CAPN2: variants seen among roughly 807,000 people sequenced by gnomAD.
CAPN2 encodes calpain-2 catalytic subunit.
A neutral mutation model predicts 102.3 loss-of-function variants in CAPN2; 92 were observed. That is an observed-to-expected ratio of 0.90 (90% confidence interval 0.76 to 1.07). The LOEUF (loss-of-function observed/expected upper bound fraction) is 1.07. Among genes scored for constraint, CAPN2 ranks in the 50% least tolerant of loss-of-function variants. The pLI is 0.00. For synonymous variants in CAPN2, 340 were observed against 355.4 expected (o/e 0.96, Z 0.49); for missense variants, 800 against 909.4 (o/e 0.88, Z 1.55).
rs1446316011 is a variant in CAPN2, at chr1:223,727,064, G to C, written c.307+9233G>C. Among the ~76,000 whole-genome samples, 1 of 152,168 alleles carries C rather than the reference G, an allele frequency of 6.6e-6. No individual in the cohort carries two copies. The highest frequency in any genetic ancestry group is 1.5e-5 in the Non-Finnish European group (1 of 68,032). On this transcript the variant is annotated intron_variant, in intron 2 of 20. Coordinates refer to ENST00000295006, the MANE Select transcript of CAPN2 (RefSeq NM_001748.5). The surrounding 1 kb of genome is among the most constrained non-coding windows in gnomAD (Gnocchi z 4.1). The stretch of plus-strand genomic sequence containing the variant: ...GAAAATGTGGCTCTCCGCCTTCTTG[G>C]GCTGCCTAGGACCTTGAGAGATGTG...
chr1:223,767,310 G>A (rs987124927), intron 16 of CAPN2, among the ~76,000 whole-genome samples: 5 of 151,246 alleles, frequency 3.3e-5, no homozygotes, highest in African/African-American at 1.2e-4. Context: ...TCTAGCATTA[G>A]GTATATCTCC....
At chr1:223,772,149 A>G (rs1487049499) in intron 19 of CAPN2, 32 bp from the exon 20 acceptor site, 1 of 1,605,002 alleles carries the variant, frequency 6.2e-7, no homozygotes. Flanking sequence ...CAGCTCACTC[A>G]CTTGTGACAC....
rs1054793252 is a variant in CAPN2 at position 223,756,735 on chromosome 1, A to G, written c.1306-634A>G. On this transcript the variant is annotated intron_variant, in intron 10 of 20. Transcript: ENST00000295006. This position sits in a 1 kb window ranked among gnomAD's most constrained non-coding sequence, Gnocchi z 4.1. ...CAGTTGTAAAAATGCACATAGGCCT[A>G]AACCCCTCCGTCTCTGAAACAGGAG... Among the ~76,000 whole-genome samples, 1 of 152,208 alleles carries G rather than the reference A, an allele frequency of 6.6e-6. No individual in the cohort carries two copies. The highest frequency in any genetic ancestry group is 2.4e-5 in the African/African-American group (1 of 41,456).
rs1237329581 is a variant in CAPN2 at position 223,755,822 on chromosome 1, C to A, written c.1305+173C>A. ...CTCAGGAGTAGCCCCCGTAGGGAGGCCCCTGCAGTGGCTCTGGGTTGTGGG... is the reference window on the plus strand; with the variant it reads ...CTCAGGAGTAGCCCCCGTAGGGAGGACCCTGCAGTGGCTCTGGGTTGTGGG... On this transcript the variant is annotated intron_variant, in intron 10 of 20. Coordinates refer to ENST00000295006, the MANE Select transcript of CAPN2 (RefSeq NM_001748.5). The surrounding 1 kb of genome is among the most constrained non-coding windows in gnomAD (Gnocchi z 4.1). Among the ~76,000 whole-genome samples, 2 of 152,196 alleles carry A rather than the reference C, an allele frequency of 1.3e-5. No homozygotes were observed. The highest frequency in any genetic ancestry group is 2.9e-5 in the Non-Finnish European group (2 of 68,032).
rs1031322168 is a variant in CAPN2, at chr1:223,726,244, G to C, written c.307+8413G>C. 5.9e-5 allele frequency among the ~76,000 whole-genome samples: 9 copies of C among 152,302 alleles called. No individual in the cohort carries two copies. The highest frequency in any genetic ancestry group is 2.2e-4 in the African/African-American group (9 of 41,574). Reference sequence around the variant, plus strand: ...ACAGGAATTGGCAGCCGAGGGCAAGGTTCCACCTCCTCCTCCCTTCTTCTG... The same window carrying C: ...ACAGGAATTGGCAGCCGAGGGCAAGCTTCCACCTCCTCCTCCCTTCTTCTG... On this transcript the variant is annotated intron_variant, in intron 2 of 20. Coordinates refer to ENST00000295006, the MANE Select transcript of CAPN2 (RefSeq NM_001748.5). This position sits in a 1 kb window ranked among gnomAD's most constrained non-coding sequence, Gnocchi z 4.4.
At position 223,752,045 on chromosome 1, in the gene CAPN2, C is replaced by T; in HGVS notation, c.948C>T (p.Thr316=). ...ACCCAGAGGAGAGGGAAAGGCTGAC[C>T]AGACGGCATGAAGATGGAGAATTCT... ...TIDPEERERL[T]RRHEDGEFWM... is the part of the protein sequence containing the mutation. Residue 316 remains threonine (T), a synonymous_variant, in exon 8 of 21, where the codon ACC becomes ACT. Transcript: ENST00000295006. 1 of 1,613,062 alleles carries T rather than the reference C, an allele frequency of 6.2e-7. No homozygotes were observed. Among genetic ancestry groups the T allele is most frequent in the Non-Finnish European group, 8.5e-7 (1 of 1,179,170 alleles).
At chr1:223,751,580 TC>T (rs28370075) in intron 7 of CAPN2, among the ~76,000 whole-genome samples, 13,404 of 151,876 alleles carry the variant, frequency 0.088, 619 homozygotes, top group African/African-American at 0.11. Flanking sequence ...GTCCTTCTGC[TC>T]CGTGGACAGA....
In CAPN2 at chr1:223,754,256, A is replaced by G. The variant is rs1373168183; in HGVS notation, c.1136-1224A>G. 6.6e-6 allele frequency among the ~76,000 whole-genome samples: 1 copy of G among 152,224 alleles called. No homozygotes were observed. Among genetic ancestry groups the G allele is most frequent in the African/African-American group, 2.4e-5 (1 of 41,456 alleles). The stretch of plus-strand genomic sequence containing the variant: ...TAGTCAGACTGCGGCTAGCTGGCCT[A>G]CAGTTCTGGGGCTCGGACTCCTTCA... On this transcript the variant is annotated intron_variant, in intron 9 of 20. Coordinates refer to ENST00000295006, the MANE Select transcript of CAPN2 (RefSeq NM_001748.5). This position sits in a 1 kb window ranked among gnomAD's most constrained non-coding sequence, Gnocchi z 4.7.
intron 8 of CAPN2, 83 bp from the exon 9 acceptor site, chr1:223,752,713 C>T: frequency 2.2e-6 from 3 of 1,393,466 alleles, no homozygotes; most frequent in Non-Finnish European, 2.0e-6. Flanking sequence ...CTTTGGGTGG[C>T]TCCTGGTCTG....
chr1:223,746,525 C>T (rs1660754758), intron 4 of CAPN2, among the ~76,000 whole-genome samples: 1 of 137,736 alleles, frequency 7.3e-6, no homozygotes, highest in African/African-American at 3.0e-5. Flanking sequence ...GTCACCCAGG[C>T]TGGAGTGAGC....
chr1:223,762,311 G>A lies in CAPN2; in HGVS notation c.1632+60G>A, dbSNP rs1336756013. ...GTTGATGCAAAGGAAGAGACAGTGT[G>A]TGTCCCCAAGGGGACTTTAGTTTAA... is the stretch of plus-strand genomic sequence containing the variant. On this transcript the variant is annotated intron_variant, in intron 14 of 20. Transcript: ENST00000295006. The A allele has an allele frequency of 6.7e-6, 9 of 1,338,840 alleles. No individual in the cohort carries two copies. The African/African-American group carries it at 8.6e-5, about 13-fold the overall frequency. 82.9% of individuals were successfully genotyped at this position (1,338,840 alleles called of 1,614,324 possible).
chr1:223,705,131 G>T (rs1312479166), intron 1 of CAPN2, among the ~76,000 whole-genome samples: 1 of 152,166 alleles, frequency 6.6e-6, no homozygotes, highest in African/African-American at 2.4e-5. Flanking sequence ...CAGTGGTTTG[G>T]AATACTTTCA....
At chr1:223,743,245 C>G (rs1187674725) in intron 2 of CAPN2, among the ~76,000 whole-genome samples, 4 of 152,206 alleles carry the variant, frequency 2.6e-5, no homozygotes, top group Non-Finnish European at 5.9e-5. Context: ...TTGTGCCCAT[C>G]CTTGTCTACC....
chr1:223,748,487 C>T (rs1660804184), intron 5 of CAPN2, among the ~76,000 whole-genome samples: 1 of 152,250 alleles, frequency 6.6e-6, no homozygotes, highest in Non-Finnish European at 1.5e-5. Flanking sequence ...GTTCTTAAAA[C>T]AGAAGCAAAT....
chr1:223,715,170 G>A (rs1311646079), intron 1 of CAPN2, among the ~76,000 whole-genome samples: 4 of 152,170 alleles, frequency 2.6e-5, no homozygotes, highest in African/African-American at 7.2e-5. Flanking sequence ...AGTTGTTTCC[G>A]CTGGATTTGA....
chr1:223,723,169 C>G (rs1660100290), intron 2 of CAPN2, among the ~76,000 whole-genome samples: 2 of 152,080 alleles, frequency 1.3e-5, no homozygotes, highest in African/African-American at 4.8e-5. Flanking sequence ...AAAAAATTAC[C>G]TGGGCTTGGT....
chr1:223,728,111 T>C (rs1660245293), intron 2 of CAPN2, among the ~76,000 whole-genome samples: 1 of 152,070 alleles, frequency 6.6e-6, no homozygotes, highest in South Asian at 2.1e-4. Context: ...AGCTCCCTGT[T>C]TTGTCACACC....
rs775486065 is a variant in CAPN2 at position 223,759,167 on chromosome 1, G to A, written c.1318-103G>A. 25 of 1,096,468 alleles carry A rather than the reference G, an allele frequency of 2.3e-5. No homozygotes were observed. Among genetic ancestry groups the A allele is most frequent in the Non-Finnish European group, 3.0e-5 (22 of 726,422 alleles). The allele number at this position is 1,096,468 out of a possible 1,614,324, so 67.9% of individuals were successfully genotyped here. ...CCTTATACACCAGGACAGCAGGACT[G>A]AGCCACCACACTACCCAACTGCTTT... On this transcript the variant is annotated intron_variant, in intron 11 of 20. Transcript: ENST00000295006. This position sits in a 1 kb window ranked among gnomAD's most constrained non-coding sequence, Gnocchi z 4.6.
At chr1:223,722,390 C>A (rs1660076501) in intron 2 of CAPN2, among the ~76,000 whole-genome samples, 1 of 142,930 alleles carries the variant, frequency 7.0e-6, no homozygotes, top group Admixed American at 7.5e-5. Context: ...TGGGCTCAAG[C>A]AATCCTCCCA....
Sources: gnomAD v4.1 joint callset for allele counts (sites outside exome capture counted in the v4.1 genomes callset) on GRCh38, gnomAD v4.1.1 for gene constraint, Gnocchi (gnomAD v3.1) non-coding constraint, MANE v1.5 for transcripts, NCBI Gene and HGNC (gene_info 2026-07-23, HGNC 2026-07-21) for gene names.